The following CCDC126 variants were observed in gnomAD, a reference collection of about 807,000 sequenced individuals.
The protein encoded by CCDC126 is coiled-coil domain-containing protein 126.
In CCDC126, 5 loss-of-function variants were observed where a neutral mutation model predicts 11.7. That is an observed-to-expected ratio of 0.43 (90% CI 0.22 to 0.90). The LOEUF (loss-of-function observed/expected upper bound fraction) is 0.90. Among genes scored for constraint, CCDC126 ranks in the 40% least tolerant of loss-of-function variants. CCDC126 has a pLI of 0.27. For missense variants in CCDC126, 150 were observed against 163.1 expected (o/e 0.92, Z 0.44); for synonymous variants, 60 against 61.9 (o/e 0.97, Z 0.14).
At chr7:23,642,680 T>C (rs933004733) in intron 3 of CCDC126, among the ~76,000 whole-genome samples, 1 of 150,870 alleles carries the variant, frequency 6.6e-6, no homozygotes, top group East Asian at 2.0e-4. Context: ...CGAGAATCGC[T>C]GGAACCCAGG....
At position 23,611,560 on chromosome 7, in the gene CCDC126, T is replaced by TA. The variant is rs1584197570; in HGVS notation, c.238+9dup. 1 of 1,573,162 alleles carries TA rather than the reference T, an allele frequency of 6.4e-7. No individual in the cohort carries two copies. ...GCTTCTATGGCAGGATATGGTAAGA[T>TA]AACCGTAGAATATTTCTAGTTTCCT... On this transcript the variant is annotated splice_region_variant and intron_variant, in intron 3 of 3. Transcript: ENST00000307471.
rs148117494 is a variant in CCDC126 at position 23,633,158 on chromosome 7, A to G, written c.239-9773A>G. Among the ~76,000 whole-genome samples the G allele has an allele frequency of 9.4e-3, 1,423 of 152,102 alleles. 25 individuals carry two copies. The highest frequency in any genetic ancestry group is 0.033 in the African/African-American group (1,360 of 41,472). On this transcript the variant is annotated intron_variant, in intron 3 of 3. Coordinates refer to ENST00000307471, the MANE Select transcript of CCDC126 (RefSeq NM_138771.4). ...CAGGCATGGGTCACCACACTCAGCT[A>G]ATTTTGTATTTTTAGTAGGGAAGGG...
At chr7:23,627,962 C>T (rs1287854534) in intron 3 of CCDC126, among the ~76,000 whole-genome samples, 1 of 152,064 alleles carries the variant, frequency 6.6e-6, no homozygotes, top group East Asian at 1.9e-4. Flanking sequence ...TGCTCTTGCA[C>T]ACAAATCCAG....
rs1397338152 is a variant in CCDC126, at chr7:23,611,364, C to T, written c.49C>T (p.Leu17=). 1 of 1,613,300 alleles carries T rather than the reference C, an allele frequency of 6.2e-7. No homozygotes were observed. Among genetic ancestry groups the T allele is most frequent in the African/African-American group, 1.3e-5 (1 of 74,828 alleles). Residue 17 remains leucine, a synonymous_variant, in exon 3 of 4, where the codon CTG becomes TTG. Transcript: ENST00000307471. ...RKNMSQKLSL[L]LLVFGLIWGL... ...AAATATGTCCCAGAAATTGAGTTTA[C>T]TGTTGCTTGTATTTGGACTCATTTG...
At position 23,604,997 on chromosome 7, in the gene CCDC126, CAA is replaced by C. The variant is rs35137744; in HGVS notation, c.-145-6158_-145-6157del. ...TGGGCGACAGAGCAAGACTTCGTCT[CAA>C]AAAAAAAAAAAAAAAGAAAATGATA... On this transcript the variant is annotated intron_variant, in intron 2 of 3. Transcript: ENST00000307471. Among the ~76,000 whole-genome samples, 118 of 92,576 alleles carry C rather than the reference CAA, an allele frequency of 1.3e-3. 1 individual carries two copies. The highest frequency in any genetic ancestry group is 6.8e-3 in the Middle Eastern group (1 of 146). 60.7% of individuals were successfully genotyped at this position (92,576 alleles called of 152,430 possible). A position where few individuals can be genotyped will look rare whatever the true frequency, so the allele number is the denominator to read the frequency against.
intron 3 of CCDC126, among the ~76,000 whole-genome samples, chr7:23,634,010 T>C (rs1301544020): frequency 6.6e-6 from 1 of 152,268 alleles, no homozygotes; most frequent in Non-Finnish European, 1.5e-5. Context: ...GAAACACTTC[T>C]GTGTCATTTT....
intron 3 of CCDC126, among the ~76,000 whole-genome samples, chr7:23,618,931 C>G (rs950466303): frequency 6.6e-6 from 1 of 152,066 alleles, no homozygotes; most frequent in Non-Finnish European, 1.5e-5. Context: ...TTAGGTCTCT[C>G]CTGTTGAGCT....
chr7:23,637,838 T>TG (rs1163393552), intron 3 of CCDC126, among the ~76,000 whole-genome samples: 4 of 86,334 alleles, frequency 4.6e-5, no homozygotes, highest in Non-Finnish European at 9.7e-5. Context: ...GGGAGGGAGG[T>TG]GGGGGGGTCA....
chr7:23,600,279 C>T (rs775347244), intron 2 of CCDC126, among the ~76,000 whole-genome samples: 14 of 151,736 alleles, frequency 9.2e-5, no homozygotes, highest in East Asian at 1.9e-4. Flanking sequence ...TCATTATTTC[C>T]GTATCTTAGC....
intron 3 of CCDC126, among the ~76,000 whole-genome samples, chr7:23,616,613 G>A (rs1326919599): frequency 6.6e-6 from 1 of 152,156 alleles, no homozygotes; most frequent in Non-Finnish European, 1.5e-5. Flanking sequence ...GCTCTGCTCT[G>A]TTCTGTTTTA....
intron 2 of CCDC126, among the ~76,000 whole-genome samples, chr7:23,599,274 T>G (rs1391653920): frequency 1.3e-5 from 2 of 152,114 alleles, no homozygotes; most frequent in African/African-American, 2.4e-5. Context: ...TCATCCAACT[T>G]TATTATTTAT....
intron 3 of CCDC126, among the ~76,000 whole-genome samples, chr7:23,628,991 A>G (rs1269045534): frequency 6.6e-6 from 1 of 152,210 alleles, no homozygotes; most frequent in Non-Finnish European, 1.5e-5. Context: ...CTCCCCTGCC[A>G]GAGTGGTGTT....
chr7:23,607,752 G>T (rs1363699065), intron 2 of CCDC126, among the ~76,000 whole-genome samples: 2 of 152,104 alleles, frequency 1.3e-5, no homozygotes, highest in African/African-American at 4.8e-5. Context: ...GCCTACCCTG[G>T]GGGTAACGAC....
At chr7:23,628,384 A>G (rs1443390676) in intron 3 of CCDC126, among the ~76,000 whole-genome samples, 1 of 152,228 alleles carries the variant, frequency 6.6e-6, no homozygotes, top group African/African-American at 2.4e-5. Flanking sequence ...GCCAACAGGC[A>G]AAGACAGAAA....
At chr7:23,615,113 C>T (rs916661630) in intron 3 of CCDC126, among the ~76,000 whole-genome samples, 24 of 152,304 alleles carry the variant, frequency 1.6e-4, no homozygotes, top group African/African-American at 4.6e-4. Flanking sequence ...AATGTTTTGT[C>T]TACACTGAAA....
intron 2 of CCDC126, chr7:23,601,827 GTGCGCACCACCA>G (rs1782550045): frequency 6.6e-6 from 1 of 152,206 alleles, no homozygotes; most frequent in Non-Finnish European, 1.5e-5. Flanking sequence ...GGGACTACAG[GTGCGCACCACCA>G]TGCCCGGCTA....
rs542294055 is a variant in CCDC126, at chr7:23,643,146, C to T, written c.*31C>T. On this transcript the variant is annotated 3_prime_UTR_variant, in exon 4 of 4. Transcript: ENST00000307471. ...GAAAATCACCTTGTGCTGCTCCATC[C>T]ACTGTGGATTATATCCTATGGCAGA... The T allele has an allele frequency of 2.5e-6, 4 of 1,589,322 alleles. No homozygotes were observed. The highest frequency in any genetic ancestry group is 1.7e-5 in the Admixed American group (1 of 58,106).
intron 3 of CCDC126, among the ~76,000 whole-genome samples, chr7:23,629,732 A>G (rs1399421012): frequency 6.6e-6 from 1 of 152,216 alleles, no homozygotes; most frequent in East Asian, 1.9e-4. Context: ...GACAGGAAAG[A>G]ATCGGTAAAC....
At chr7:23,601,153 G>A (rs1194101120) in intron 2 of CCDC126, among the ~76,000 whole-genome samples, 1 of 152,222 alleles carries the variant, frequency 6.6e-6, no homozygotes, top group Admixed American at 6.5e-5. Context: ...GGAAGCTGAG[G>A]CAGGAAGATC....
Sources: gnomAD v4.1 joint callset for allele counts (sites outside exome capture counted in the v4.1 genomes callset) on GRCh38, gnomAD v4.1.1 for gene constraint, MANE v1.5 for transcripts, NCBI Gene and HGNC (gene_info 2026-07-23, HGNC 2026-07-21) for gene names.